SUSD1: variants seen among roughly 807,000 people sequenced by gnomAD.
SUSD1 encodes the protein sushi domain-containing protein 1.
SUSD1 carries 65 observed loss-of-function variants against 86.9 expected under a neutral mutation model. The observed-to-expected ratio is 0.75, with a 90% confidence interval of 0.61 to 0.92. The LOEUF is 0.92. Among genes scored for constraint, SUSD1 ranks in the 40% least tolerant of loss-of-function variants. The pLI is 0.00. For synonymous variants in SUSD1, 346 were observed against 350.0 expected (o/e 0.99, Z 0.13); for missense variants, 850 against 929.7 (o/e 0.91, Z 1.11).
chr9:112,116,594 C>A (rs1337341034), intron 6 of SUSD1, among the ~76,000 whole-genome samples: 1 of 152,120 alleles, frequency 6.6e-6, no homozygotes, highest in Non-Finnish European at 1.5e-5. Flanking sequence ...TGGGCTGTGA[C>A]GATGTTATCT....
intron 12 of SUSD1, among the ~76,000 whole-genome samples, chr9:112,064,550 T>C (rs1828886199): frequency 6.6e-6 from 1 of 152,098 alleles, no homozygotes; most frequent in Non-Finnish European, 1.5e-5. Flanking sequence ...GGGCACAAAG[T>C]GTAGGCGTGG....
chr9:112,122,280 C>T (rs773172324), intron 6 of SUSD1, among the ~76,000 whole-genome samples: 2 of 152,164 alleles, frequency 1.3e-5, no homozygotes, highest in African/African-American at 2.4e-5. Context: ...CCTGCATCAG[C>T]CACCTGAGTA....
At chr9:112,052,129 A>C in intron 15 of SUSD1, 1 of 1,392,162 alleles carries the variant, frequency 7.2e-7, no homozygotes, top group Non-Finnish European at 9.3e-7. Context: ...AACTGAAACA[A>C]GAGAAAAATA....
At chr9:112,114,088 G>A (rs1020831134) in intron 6 of SUSD1, among the ~76,000 whole-genome samples, 1 of 152,226 alleles carries the variant, frequency 6.6e-6, no homozygotes, top group Middle Eastern at 3.4e-3. Context: ...GTGAGGTTGC[G>A]GGATACAAGG....
Position 112,058,796 on chromosome 9 carries a change from T to A in SUSD1, c.1851-110A>T, listed in dbSNP as rs938178100. 20 of 1,400,634 alleles carry A rather than the reference T, an allele frequency of 1.4e-5. No individual in the cohort carries two copies. In the Admixed American group the frequency reaches 4.8e-4, roughly 34 times the overall value. The allele number at this position is 1,400,634 out of a possible 1,614,324, so 86.8% of individuals were successfully genotyped here. A position where few individuals can be genotyped will look rare whatever the true frequency, so the allele number is the denominator to read the frequency against. On this transcript the variant is annotated intron_variant, in intron 13 of 16. Coordinates refer to ENST00000374270, the MANE Select transcript of SUSD1 (RefSeq NM_022486.5). Reference sequence around the variant, plus strand: ...AGACAAACCTCTTTCTTTGTTTTTTTGTTTTTTGTTTTTTTTGAGATGGAG... The same window carrying A: ...AGACAAACCTCTTTCTTTGTTTTTTAGTTTTTTGTTTTTTTTGAGATGGAG...
At chr9:112,078,778 G>A in intron 11 of SUSD1, 54 bp from the exon 12 acceptor site, 1 of 1,428,564 alleles carries the variant, frequency 7.0e-7, no homozygotes, top group Non-Finnish European at 9.6e-7. Flanking sequence ...GGCTTTAGAT[G>A]CCTTGAAACC....
At chr9:112,119,038 G>A (rs1258046174) in intron 6 of SUSD1, among the ~76,000 whole-genome samples, 1 of 152,144 alleles carries the variant, frequency 6.6e-6, no homozygotes, top group Non-Finnish European at 1.5e-5. Flanking sequence ...GTCTTTCTGG[G>A]CTTACAGGCC....
chr9:112,044,786 A>G (rs907051280), intron 15 of SUSD1, among the ~76,000 whole-genome samples: 4 of 152,250 alleles, frequency 2.6e-5, no homozygotes, highest in Non-Finnish European at 5.9e-5. Flanking sequence ...AGAAACCTTA[A>G]GAGAATGAGA....
intron 13 of SUSD1, among the ~76,000 whole-genome samples, chr9:112,062,733 G>T (rs912672891): frequency 6.6e-6 from 1 of 152,012 alleles, no homozygotes; most frequent in East Asian, 1.9e-4. Context: ...TTAAAAAAAA[G>T]AAGTCTCTCT....
intron 9 of SUSD1, among the ~76,000 whole-genome samples, chr9:112,101,633 G>A (rs1013937652): frequency 6.6e-6 from 1 of 151,766 alleles, no homozygotes; most frequent in African/African-American, 2.4e-5. Flanking sequence ...ATCATCTGAG[G>A]CTGGGAGTTT....
At chr9:112,074,957 A>T (rs1220091481) in intron 12 of SUSD1, among the ~76,000 whole-genome samples, 1 of 152,128 alleles carries the variant, frequency 6.6e-6, no homozygotes, top group African/African-American at 2.4e-5. Context: ...GCACAGAGAG[A>T]GGGAACTTGA....
At position 112,074,924 on chromosome 9, in the gene SUSD1, A is replaced by G. The variant is rs569720088; in HGVS notation, c.1753+3614T>C. ...ATCTCAATGAACATTAAACAGCTCA[A>G]CAATGTCCCCTGGTGGCCATGAGCA... On this transcript the variant is annotated intron_variant, in intron 12 of 16. Transcript: ENST00000374270. 1.1e-4 allele frequency among the ~76,000 whole-genome samples: 17 copies of G among 152,258 alleles called. No individual in the cohort carries two copies. In the East Asian group the frequency reaches 3.1e-3, roughly 28 times the overall value.
intron 5 of SUSD1, among the ~76,000 whole-genome samples, chr9:112,131,952 G>A (rs750567047): frequency 6.6e-6 from 1 of 152,190 alleles, no homozygotes; most frequent in African/African-American, 2.4e-5. Flanking sequence ...AGAATGTGTT[G>A]TGCTGGTTTC....
chr9:112,054,605 T>A (rs1314095314), intron 14 of SUSD1, among the ~76,000 whole-genome samples: 1 of 151,962 alleles, frequency 6.6e-6, no homozygotes, highest in Non-Finnish European at 1.5e-5. Flanking sequence ...AAAAAGTTTT[T>A]TCAACAAATG....
In SUSD1 at chr9:112,113,060, G is replaced by A. The variant is rs867818907; in HGVS notation, c.887-192C>T. Among the ~76,000 whole-genome samples, 1 of 152,136 alleles carries A rather than the reference G, an allele frequency of 6.6e-6. No individual in the cohort carries two copies. Among genetic ancestry groups the A allele is most frequent in the Non-Finnish European group, 1.5e-5 (1 of 68,022 alleles). On this transcript the variant is annotated intron_variant, in intron 6 of 16. Transcript: ENST00000374270. The surrounding 1 kb of genome is among the most constrained non-coding windows in gnomAD (Gnocchi z 4.1). ...ACTTCTCTTCATCATGAATGAGCGT[G>A]GCCCATTACCTGACTTAGAGGGAAA... is the stretch of plus-strand genomic sequence containing the variant.
chr9:112,138,274 T>TGTATATACAC (rs1378413055), intron 5 of SUSD1, among the ~76,000 whole-genome samples: 1 of 129,906 alleles, frequency 7.7e-6, no homozygotes, highest in Non-Finnish European at 1.6e-5. Flanking sequence ...TACATATATA[T>TGTATATACAC]ATATATGAAG....
At chr9:112,135,552 C>T (rs916287110) in intron 5 of SUSD1, among the ~76,000 whole-genome samples, 2 of 152,202 alleles carry the variant, frequency 1.3e-5, no homozygotes, top group African/African-American at 2.4e-5. Context: ...CTTTGAGCTG[C>T]ATATGAATAT....
At chr9:112,073,918 G>A (rs1300354182) in intron 12 of SUSD1, among the ~76,000 whole-genome samples, 1 of 151,892 alleles carries the variant, frequency 6.6e-6, no homozygotes, top group Non-Finnish European at 1.5e-5. Flanking sequence ...GAAAGGGAAA[G>A]GGAAAGGAAG....
chr9:112,143,490 G>A lies in SUSD1; in HGVS notation c.507C>T (p.Thr169=), dbSNP rs200800540. 85 of 1,613,362 alleles carry A rather than the reference G, an allele frequency of 5.3e-5. No individual in the cohort carries two copies. The highest frequency in any genetic ancestry group is 5.9e-5 in the Non-Finnish European group (70 of 1,179,788). The change falls in exon 4 of 17, where the codon ACC becomes ACT. Residue 169 remains threonine, a synonymous_variant. Coordinates refer to ENST00000374270, the MANE Select transcript of SUSD1 (RefSeq NM_022486.5). Reference sequence around the variant, plus strand: ...ACCCACCTGTGCATGATGTGGCATCGGTGGTCGGGTGGAAAGGTTCAGGTC... The same window carrying A: ...ACCCACCTGTGCATGATGTGGCATCAGTGGTCGGGTGGAAAGGTTCAGGTC... The part of the protein sequence containing the change: ...RNGPEPFHPT[T]DATSCTEIDC...
Sources: allele counts gnomAD v4.1 joint callset (sites outside exome capture counted in the v4.1 genomes callset), GRCh38; gene constraint gnomAD v4.1.1; non-coding constraint Gnocchi (gnomAD v3.1); transcripts MANE v1.5; gene names NCBI Gene and HGNC (gene_info 2026-07-23, HGNC 2026-07-21).